BNIP3L: variants seen among roughly 807,000 people sequenced by gnomAD.
BNIP3L encodes the protein BCL2 interacting protein 3 like.
A neutral mutation model predicts 25.5 loss-of-function variants in BNIP3L; 10 were observed. That is an observed-to-expected ratio of 0.39 (90% CI 0.24 to 0.67). The LOEUF is 0.67. Ranked by LOEUF, BNIP3L falls within the 30% of genes least tolerant of loss-of-function variation. BNIP3L has a pLI of 0.45. For missense variants in BNIP3L, 215 were observed against 270.9 expected (o/e 0.79, Z 1.45); for synonymous variants, 113 against 101.2 (o/e 1.12, Z -0.70).
intron 2 of BNIP3L, among the ~76,000 whole-genome samples, chr8:26,391,633 C>T (rs1250678740): frequency 6.6e-6 from 1 of 152,144 alleles, no homozygotes. Context: ...TGTTTTTCCC[C>T]AGATTGTCAT....
chr8:26,403,146 A>G (rs2117488882), intron 3 of BNIP3L, among the ~76,000 whole-genome samples: 1 of 152,314 alleles, frequency 6.6e-6, no homozygotes, highest in Non-Finnish European at 1.5e-5. Flanking sequence ...TGACAATCAG[A>G]TCGGTCAGTT....
At chr8:26,383,656 G>T (rs1314760350) in intron 1 of BNIP3L, among the ~76,000 whole-genome samples, 2 of 149,650 alleles carry the variant, frequency 1.3e-5, no homozygotes, top group Middle Eastern at 3.5e-3. Flanking sequence ...CGGGAGCGGG[G>T]CGGGGCGGGC....
At chr8:26,394,246 G>A (rs538139516) in intron 2 of BNIP3L, among the ~76,000 whole-genome samples, 2 of 152,054 alleles carry the variant, frequency 1.3e-5, no homozygotes, top group East Asian at 3.9e-4. Context: ...AAACTTATTT[G>A]TAAATTTTTA....
rs563958116 is a variant in BNIP3L, at chr8:26,407,807, G to C, written c.358-193G>C. ...ATATCCCAACAGTGAAGCTCACTCA[G>C]GTTGTTCTGAAGATATTACATACTC... On this transcript the variant is annotated intron_variant, in intron 3 of 5. Coordinates refer to ENST00000380629, the MANE Select transcript of BNIP3L (RefSeq NM_004331.3). Among the ~76,000 whole-genome samples the C allele has an allele frequency of 7.9e-5, 12 of 152,254 alleles. No individual in the cohort carries two copies. The East Asian group carries it at 2.3e-3, about 29-fold the overall frequency.
chr8:26,383,242 G>A lies in BNIP3L; in HGVS notation c.100+12G>A, dbSNP rs1362549851. 1 of 1,602,258 alleles carries A rather than the reference G, an allele frequency of 6.2e-7. No homozygotes were observed. The highest frequency in any genetic ancestry group is 8.5e-7 in the Non-Finnish European group (1 of 1,175,142). ...GGCCGGCCTCAACAGTGAGTGCGGG[G>A]CCGAGGCTCTGTGAAGGGGATGGGG... is the stretch of plus-strand genomic sequence containing the variant. On this transcript the variant is annotated intron_variant, in intron 1 of 5. Transcript: ENST00000380629.
intron 1 of BNIP3L, among the ~76,000 whole-genome samples, chr8:26,386,419 A>G (rs185110969): frequency 3.0e-4 from 45 of 152,084 alleles, no homozygotes; most frequent in African/African-American, 1.0e-3. Flanking sequence ...TTTCTTTTCA[A>G]ATTTTCTTGT....
At chr8:26,383,323 A>C (rs1392017350) in intron 1 of BNIP3L, 93 bp downstream of exon 1, 1 of 1,521,902 alleles carries the variant, frequency 6.6e-7, no homozygotes. Context: ...CGGGAGGAGA[A>C]GGCAGCTCAT....
rs375485785 is a variant in BNIP3L, at chr8:26,396,643, A to C, written c.357+1341A>C. ...GATGGAGAATGATTTTGACGAGCTG[A>C]GAGAAGAAGGCTTCAGACGATCAAA... On this transcript the variant is annotated intron_variant, in intron 3 of 5. Transcript: ENST00000380629. Among the ~76,000 whole-genome samples the C allele has an allele frequency of 3.3e-5, 5 of 151,484 alleles. No individual in the cohort carries two copies. In the East Asian group the frequency reaches 9.7e-4, roughly 29 times the overall value.
At chr8:26,403,935 A>G (rs948831828) in intron 3 of BNIP3L, among the ~76,000 whole-genome samples, 1 of 152,220 alleles carries the variant, frequency 6.6e-6, no homozygotes, top group Admixed American at 6.5e-5. Flanking sequence ...ATCTAAGATC[A>G]CAAAGCAAGT....
Position 26,395,197 on chromosome 8 carries a change from T to A in BNIP3L, c.285-33T>A, listed in dbSNP as rs184281944. 6.3e-5 allele frequency: 101 copies of A among 1,606,560 alleles called. 1 individual carries two copies. The African/African-American group carries it at 1.2e-3, about 19-fold the overall frequency. On this transcript the variant is annotated intron_variant, in intron 2 of 5. Transcript: ENST00000380629. ...ACTAAGTCATTTGACAAAGTGAGAATTAAAACTAATAGCTGAATTCCTTCT... is the reference window on the plus strand; with the variant it reads ...ACTAAGTCATTTGACAAAGTGAGAAATAAAACTAATAGCTGAATTCCTTCT...
intron 2 of BNIP3L, among the ~76,000 whole-genome samples, chr8:26,392,283 GGTT>G (rs1806131315): frequency 6.6e-6 from 1 of 151,300 alleles, no homozygotes; most frequent in African/African-American, 2.4e-5. Flanking sequence ...CCTTCTGGGT[GGTT>G]GTTAACTGAT....
intron 3 of BNIP3L, among the ~76,000 whole-genome samples, chr8:26,404,568 G>A (rs1215250728): frequency 6.6e-6 from 1 of 152,190 alleles, no homozygotes; most frequent in Non-Finnish European, 1.5e-5. Context: ...TCACCAGGCT[G>A]GAGTGCAGTG....
rs1806615211 is a variant in BNIP3L at position 26,411,164 on chromosome 8, G to C, written c.*752G>C. On this transcript the variant is annotated 3_prime_UTR_variant, in exon 6 of 6. Coordinates refer to ENST00000380629, the MANE Select transcript of BNIP3L (RefSeq NM_004331.3). ...TCTATGGTGTAGAATCTTTCTTTCT[G>C]ATAAGGAACGTCTCAGGCTTAGAAA... 6.6e-6 allele frequency: 1 copy of C among 152,184 alleles called. No individual in the cohort carries two copies. The highest frequency in any genetic ancestry group is 1.5e-5 in the Non-Finnish European group (1 of 67,880). 9.4% of individuals were successfully genotyped at this position (152,184 alleles called of 1,614,324 possible).
intron 3 of BNIP3L, among the ~76,000 whole-genome samples, chr8:26,402,455 A>G (rs1347117164): frequency 2.0e-5 from 3 of 152,242 alleles, no homozygotes; most frequent in East Asian, 1.9e-4. Flanking sequence ...GATTTCTTCA[A>G]TCTATATCAC....
intron 3 of BNIP3L, among the ~76,000 whole-genome samples, chr8:26,406,143 A>C (rs1806495614): frequency 6.6e-6 from 1 of 152,230 alleles, no homozygotes; most frequent in South Asian, 2.1e-4. Context: ...TGGAAATGTT[A>C]ATTGTTCTTG....
At position 26,410,380 on chromosome 8, in the gene BNIP3L, C is replaced by T. The variant is rs1806595249; in HGVS notation, c.628C>T (p.Arg210Ter). Reference protein sequence around the residue: ...ALGLGIYIGKRLSTPSASTY With the variant: ...ALGLGIYIGK ...TCCTTTCAGCATCTATATTGGAAAG[C>T]GACTGAGCACACCCTCTGCCAGCAC... Residue 210 changes from arginine (R) to a stop codon, truncating the protein, a stop_gained, in exon 6 of 6, where the codon CGA becomes TGA. Transcript: ENST00000380629. LOFTEE classifies it high-confidence loss of function. 2 of 1,613,994 alleles carry T rather than the reference C, an allele frequency of 1.2e-6. No homozygotes were observed. The highest frequency in any genetic ancestry group is 2.2e-5 in the East Asian group (1 of 44,874).
rs146906283 is a variant in BNIP3L, at chr8:26,407,728, C to T, written c.358-272C>T. On this transcript the variant is annotated intron_variant, in intron 3 of 5. Transcript: ENST00000380629. ...CTCTTATCGAGGTTTTTCATACTTC[C>T]CTTAGCATTACATCCCAAAGTACAG... 6.6e-5 allele frequency among the ~76,000 whole-genome samples: 10 copies of T among 152,330 alleles called. No individual in the cohort carries two copies. In the East Asian group the frequency reaches 1.9e-3, roughly 29 times the overall value.
intron 2 of BNIP3L, 104 bp downstream of exon 2, chr8:26,391,530 A>G: frequency 1.1e-6 from 1 of 935,104 alleles, no homozygotes; most frequent in South Asian, 2.2e-5. Flanking sequence ...TTAGCAAAAT[A>G]TGCCTCCTGA....
chr8:26,388,008 T>C (rs1270911291), intron 1 of BNIP3L, among the ~76,000 whole-genome samples: 1 of 152,216 alleles, frequency 6.6e-6, no homozygotes, highest in East Asian at 1.9e-4. Context: ...TTACAGAATA[T>C]GTCAGTATGT....
Sources: allele counts gnomAD v4.1 joint callset (sites outside exome capture counted in the v4.1 genomes callset), GRCh38; gene constraint gnomAD v4.1.1; transcripts MANE v1.5; gene names NCBI Gene and HGNC (gene_info 2026-07-23, HGNC 2026-07-21).